Variants in AJAP1 observed in about 807,000 individuals in gnomAD.
AJAP1 encodes the protein adherens junction-associated protein 1.
Under a neutral mutation model 35.0 loss-of-function variants are expected in AJAP1, and 5 were observed. That is an observed-to-expected ratio of 0.14 (90% CI 0.07 to 0.30). The LOEUF (loss-of-function observed/expected upper bound fraction) is 0.30, where lower values mean the gene tolerates loss of function less well. AJAP1 is among the 10% of genes least tolerant of loss of function. AJAP1 has a pLI of 1.00. For missense variants in AJAP1, 586 were observed against 571.0 expected (o/e 1.03, Z -0.27); for synonymous variants, 284 against 249.3 (o/e 1.14, Z -1.31).
chr1:4,728,806 C>T (rs889560789), intron 2 of AJAP1, among the ~76,000 whole-genome samples: 1 of 152,216 alleles, frequency 6.6e-6, no homozygotes, highest in African/African-American at 2.4e-5. Flanking sequence ...GGTTTTCCCT[C>T]CACCCTGGGC....
chr1:4,687,330 T>A (rs186293219), intron 1 of AJAP1, among the ~76,000 whole-genome samples: 54 of 152,328 alleles, frequency 3.5e-4, no homozygotes, highest in Admixed American at 1.3e-4. Context: ...GTGCCTCAGC[T>A]GTTATTTGGA....
At chr1:4,754,273 T>G (rs2100337019) in intron 2 of AJAP1, among the ~76,000 whole-genome samples, 1 of 152,346 alleles carries the variant, frequency 6.6e-6, no homozygotes, top group Non-Finnish European at 1.5e-5. Flanking sequence ...TTTGTTTACA[T>G]TTGTCTGTGG....
intron 2 of AJAP1, among the ~76,000 whole-genome samples, chr1:4,737,789 C>T (rs1640963669): frequency 6.6e-6 from 1 of 152,184 alleles, no homozygotes; most frequent in African/African-American, 2.4e-5. Flanking sequence ...GTGGTCCCAG[C>T]TACTCGAGAG....
chr1:4,737,253 A>AAGCATG (rs1358403128), intron 2 of AJAP1, among the ~76,000 whole-genome samples: 1 of 151,640 alleles, frequency 6.6e-6, no homozygotes, highest in Non-Finnish European at 1.5e-5. Flanking sequence ...AGTCGGGAAA[A>AAGCATG]AGCATGAGCC....
intron 2 of AJAP1, among the ~76,000 whole-genome samples, chr1:4,718,297 G>A (rs560070834): frequency 2.0e-5 from 3 of 152,190 alleles, no homozygotes; most frequent in African/African-American, 7.2e-5. Context: ...GATTCTTCTG[G>A]ACACGACTGT....
chr1:4,667,233 T>A (rs1639150090), intron 1 of AJAP1, among the ~76,000 whole-genome samples: 1 of 152,068 alleles, frequency 6.6e-6, no homozygotes. Context: ...CTGCTTTTAC[T>A]CAGAATTAGT....
intron 2 of AJAP1, among the ~76,000 whole-genome samples, chr1:4,762,829 G>A (rs535474562): frequency 6.6e-6 from 1 of 152,134 alleles, no homozygotes; most frequent in African/African-American, 2.4e-5. Context: ...CCACTTCATG[G>A]TGCTGTAGTG....
intron 2 of AJAP1, among the ~76,000 whole-genome samples, chr1:4,738,582 G>A (rs544116381): frequency 6.6e-6 from 1 of 152,162 alleles, no homozygotes; most frequent in Non-Finnish European, 1.5e-5. Context: ...AGTAAGGAGA[G>A]GGGGTGGGAG....
rs1317670119 is a variant in AJAP1 at position 4,772,430 on chromosome 1, T to G, written c.1068T>G (p.Cys356Trp). ...CGGCCTATAACGAGACCCTGCAGTG[T>G]TCTCACGAGTGCGTCAGGGCATCTG... The part of the protein sequence containing the change: ...IFTAYNETLQ[C>W]SHECVRASVP... Residue 356 changes from cysteine (C) to tryptophan (W), a missense_variant, in exon 4 of 6, where the codon TGT (cysteine) becomes TGG (tryptophan). Physicochemically the swap from Cys to Trp is radical, Grantham distance 215. Coordinates refer to ENST00000378191, the MANE Select transcript of AJAP1 (RefSeq NM_018836.4). 1.2e-6 allele frequency: 2 copies of G among 1,614,110 alleles called. No homozygotes were observed. The highest frequency in any genetic ancestry group is 1.7e-6 in the Non-Finnish European group (2 of 1,180,058).
At chr1:4,707,198 A>T (rs1400711720) in intron 1 of AJAP1, among the ~76,000 whole-genome samples, 1 of 152,188 alleles carries the variant, frequency 6.6e-6, no homozygotes, top group Admixed American at 6.5e-5. Flanking sequence ...GGCCAGGATT[A>T]GGGTGCCACG....
chr1:4,751,816 A>G (rs996627972), intron 2 of AJAP1, among the ~76,000 whole-genome samples: 10 of 152,228 alleles, frequency 6.6e-5, no homozygotes, highest in African/African-American at 2.4e-4. Context: ...CTATGTGTAC[A>G]GTAAGATTGG....
At chr1:4,754,136 A>G (rs954674030) in intron 2 of AJAP1, among the ~76,000 whole-genome samples, 4 of 152,184 alleles carry the variant, frequency 2.6e-5, no homozygotes, top group African/African-American at 9.7e-5. Context: ...GGGAACGAAG[A>G]ATGGTTTTGT....
At chr1:4,698,941 G>A (rs1371920076) in intron 1 of AJAP1, among the ~76,000 whole-genome samples, 1 of 152,176 alleles carries the variant, frequency 6.6e-6, no homozygotes, top group Non-Finnish European at 1.5e-5. Flanking sequence ...CAGCTAAGGG[G>A]TCCTAGGTCC....
In AJAP1 at chr1:4,711,969, G is replaced by A. The variant is rs776621169; in HGVS notation, c.99G>A (p.Gln33=). 13 of 1,580,808 alleles carry A rather than the reference G, an allele frequency of 8.2e-6. No homozygotes were observed. The highest frequency in any genetic ancestry group is 1.1e-5 in the Non-Finnish European group (13 of 1,168,790). ...CCTGGATACTGATAGCCATGTTTCAGCTCGCCGTGGACCTGCCCGCCTGTG... is the reference window on the plus strand; with the variant it reads ...CCTGGATACTGATAGCCATGTTTCAACTCGCCGTGGACCTGCCCGCCTGTG... ...SHAWILIAMF[Q]LAVDLPACEA... The change falls in exon 2 of 6, where the codon CAG becomes CAA. Residue 33 remains glutamine (Q), a synonymous_variant. Coordinates refer to ENST00000378191, the MANE Select transcript of AJAP1 (RefSeq NM_018836.4).
At chr1:4,714,696 T>C (rs1392929022) in intron 2 of AJAP1, among the ~76,000 whole-genome samples, 2 of 151,958 alleles carry the variant, frequency 1.3e-5, no homozygotes, top group African/African-American at 4.8e-5. Context: ...AAGAGGAAAA[T>C]ATGTGTGTTT....
intron 2 of AJAP1, among the ~76,000 whole-genome samples, chr1:4,728,025 G>A (rs1181945921): frequency 6.6e-6 from 1 of 152,214 alleles, no homozygotes; most frequent in African/African-American, 2.4e-5. Flanking sequence ...GGGACCTTGA[G>A]CAGAGGACCT....
At chr1:4,662,471 G>A (rs1039202755) in intron 1 of AJAP1, among the ~76,000 whole-genome samples, 3 of 152,332 alleles carry the variant, frequency 2.0e-5, no homozygotes, top group East Asian at 1.9e-4. Context: ...TTGGCTTGCC[G>A]GTTCACCTGC....
intron 2 of AJAP1, among the ~76,000 whole-genome samples, chr1:4,761,851 G>T (rs576717688): frequency 9.2e-5 from 14 of 152,120 alleles, no homozygotes; most frequent in Non-Finnish European, 1.6e-4. Context: ...TTTTATTCTG[G>T]CTGTGCTAGC....
chr1:4,782,575 CAAACA>C lies in AJAP1; in HGVS notation c.*104_*108del, dbSNP rs774423772. 2.0e-5 allele frequency: 8 copies of C among 394,834 alleles called. No homozygotes were observed. The highest frequency in any genetic ancestry group is 1.4e-4 in the South Asian group (1 of 6,986). 24.5% of individuals were successfully genotyped at this position (394,834 alleles called of 1,614,324 possible). A position where few individuals can be genotyped will look rare whatever the true frequency, so the allele number is the denominator to read the frequency against. Reference sequence around the variant, plus strand: ...CGTTGGTGAACCTGTAAAAACAAAACAAACAAAACAAAACAAAAAAGACAAAACCT... The same window carrying C: ...CGTTGGTGAACCTGTAAAAACAAAACAAACAAAACAAAAAAGACAAAACCT... On this transcript the variant is annotated 3_prime_UTR_variant, in exon 6 of 6. Transcript: ENST00000378191. This position sits in a 1 kb window ranked among gnomAD's most constrained non-coding sequence, Gnocchi z 5.3.
Sources: allele counts gnomAD v4.1 joint callset (sites outside exome capture counted in the v4.1 genomes callset), GRCh38; gene constraint gnomAD v4.1.1; non-coding constraint Gnocchi (gnomAD v3.1); transcripts MANE v1.5; gene names NCBI Gene and HGNC (gene_info 2026-07-23, HGNC 2026-07-21).